RNMT: variants seen among roughly 807,000 people sequenced by gnomAD.
RNMT encodes the protein mRNA cap guanine-N(7) methyltransferase.
In RNMT, 27 loss-of-function variants were observed where a neutral mutation model predicts 56.0. The observed-to-expected ratio is 0.48, with a 90% CI of 0.36 to 0.67. The LOEUF (loss-of-function observed/expected upper bound fraction) is 0.67. Among genes scored for constraint, RNMT ranks in the 30% least tolerant of loss-of-function variants. RNMT has a pLI of 0.00. For synonymous variants in RNMT, 184 were observed against 176.2 expected, an observed-to-expected ratio of 1.04 and a Z score of -0.35; for missense variants, 519 against 552.1, an observed-to-expected ratio of 0.94 and a Z score of 0.60.
chr18:13,746,153 T>C (rs2044348549), intron 8 of RNMT, 67 bp from the exon 9 acceptor site: 4 of 816,498 alleles, frequency 4.9e-6, no homozygotes, highest in Non-Finnish European at 8.0e-6. Flanking sequence ...GTCATTGCTG[T>C]ACAAAAGTAA....
intron 11 of RNMT, among the ~76,000 whole-genome samples, chr18:13,756,568 T>G (rs150337217): frequency 1.3e-5 from 2 of 152,328 alleles, no homozygotes; most frequent in South Asian, 2.1e-4. Context: ...TCTCCTTACC[T>G]TCTGGCAAGA....
At chr18:13,747,362 G>A (rs112377105) in intron 9 of RNMT, among the ~76,000 whole-genome samples, 1,562 of 152,050 alleles carry the variant, frequency 0.01, 53 homozygotes, top group East Asian at 0.097. Context: ...GACTACAAGC[G>A]TGTGTCACCA....
chr18:13,743,443 C>T (rs1035150832), intron 8 of RNMT, among the ~76,000 whole-genome samples: 1 of 151,882 alleles, frequency 6.6e-6, no homozygotes, highest in South Asian at 2.1e-4. Context: ...TTGAAATTGC[C>T]TATGTCTCAC....
chr18:13,744,289 A>G (rs1281316321), intron 8 of RNMT, among the ~76,000 whole-genome samples: 1 of 151,640 alleles, frequency 6.6e-6, no homozygotes, highest in Non-Finnish European at 1.5e-5. Flanking sequence ...GAATCTGAAA[A>G]TGTGTGGGGG....
At chr18:13,740,445 A>G (rs2044234176) in intron 6 of RNMT, among the ~76,000 whole-genome samples, 166 bp downstream of exon 6, 1 of 152,172 alleles carries the variant, frequency 6.6e-6, no homozygotes, top group African/African-American at 2.4e-5. Context: ...GCACGATCTC[A>G]GCTTACTGCA....
chr18:13,762,649 G>T lies in RNMT; in HGVS notation c.*2670G>T. ...ACTTGGAAATTGAGGGAGCATGACC[G>T]CTCTCTGACTTCACATGTTAATAGA... is the stretch of plus-strand genomic sequence containing the variant. On this transcript the variant is annotated 3_prime_UTR_variant, in exon 12 of 12. Coordinates refer to ENST00000383314, the MANE Select transcript of RNMT (RefSeq NM_003799.3). 5.1e-6 allele frequency: 1 copy of T among 195,466 alleles called. No individual in the cohort carries two copies. The highest frequency in any genetic ancestry group is 1.1e-5 in the Non-Finnish European group (1 of 94,242). 12.1% of individuals were successfully genotyped at this position (195,466 alleles called of 1,614,324 possible).
chr18:13,752,234 C>T, intron 9 of RNMT, 92 bp from the exon 10 acceptor site: 2 of 727,072 alleles, frequency 2.8e-6, no homozygotes, highest in South Asian at 3.5e-5. Flanking sequence ...ACGGATTATT[C>T]TCCTAATTAT....
At chr18:13,743,993 C>T (rs1295327681) in intron 8 of RNMT, among the ~76,000 whole-genome samples, 1 of 151,880 alleles carries the variant, frequency 6.6e-6, no homozygotes, top group African/African-American at 2.4e-5. Flanking sequence ...GGAAATGTTA[C>T]TGCTCTTCAA....
chr18:13,736,908 T>C, intron 4 of RNMT, 102 bp from the exon 5 acceptor site: 2 of 987,628 alleles, frequency 2.0e-6, no homozygotes, highest in Non-Finnish European at 3.0e-6. Context: ...ATAGTTTATG[T>C]TACATATTGG....
chr18:13,762,302 T>G lies in RNMT; in HGVS notation c.*2323T>G. 1.0e-6 allele frequency: 1 copy of G among 987,838 alleles called. No individual in the cohort carries two copies. Among genetic ancestry groups the G allele is most frequent in the South Asian group, 1.7e-5 (1 of 58,574 alleles). 61.2% of individuals were successfully genotyped at this position (987,838 alleles called of 1,614,324 possible). On this transcript the variant is annotated 3_prime_UTR_variant, in exon 12 of 12. Coordinates refer to ENST00000383314, the MANE Select transcript of RNMT (RefSeq NM_003799.3). ...TGAATTCTTTGGGCCTAGAATATAC[T>G]TGAGAAAGCACTAGTGGCTTGTGTT...
intron 3 of RNMT, 71 bp downstream of exon 3, chr18:13,732,005 C>A: frequency 8.0e-7 from 1 of 1,249,522 alleles, no homozygotes; most frequent in Non-Finnish European, 1.1e-6. Flanking sequence ...CCCGTGGATT[C>A]ATACTGGTTT....
chr18:13,739,381 T>C (rs1378417826), intron 5 of RNMT, among the ~76,000 whole-genome samples: 2 of 152,258 alleles, frequency 1.3e-5, no homozygotes, highest in Non-Finnish European at 2.9e-5. Context: ...GCATATTGTA[T>C]AGTGGTGAAG....
intron 8 of RNMT, among the ~76,000 whole-genome samples, chr18:13,744,159 C>CTTTTTTTTTTT (rs201093998): frequency 0.019 from 1,689 of 91,082 alleles, 293 homozygotes; most frequent in Non-Finnish European, 0.026. Flanking sequence ...TAGCGGTCTT[C>CTTTTTTTTTTT]TTTTTTTTTT....
At chr18:13,739,890 T>C (rs1160355355) in intron 5 of RNMT, among the ~76,000 whole-genome samples, 2 of 152,220 alleles carry the variant, frequency 1.3e-5, no homozygotes, top group East Asian at 3.8e-4. Flanking sequence ...ATAATTCAGA[T>C]TGGAATAAAA....
chr18:13,727,275 C>G (rs1435770779), intron 1 of RNMT, among the ~76,000 whole-genome samples: 1 of 152,214 alleles, frequency 6.6e-6, no homozygotes, highest in African/African-American at 2.4e-5. Flanking sequence ...GACGCAGAGA[C>G]ATAGCTTGCT....
At position 13,760,462 on chromosome 18, in the gene RNMT, C is replaced by A. The variant is rs956660192; in HGVS notation, c.*483C>A. ...GAATGTAAGTGTTCAATATGTATTGCTGAAGTTATAAGTTTAAAACTCAAT... is the reference window on the plus strand; with the variant it reads ...GAATGTAAGTGTTCAATATGTATTGATGAAGTTATAAGTTTAAAACTCAAT... On this transcript the variant is annotated 3_prime_UTR_variant, in exon 12 of 12. Coordinates refer to ENST00000383314, the MANE Select transcript of RNMT (RefSeq NM_003799.3). 17 of 985,558 alleles carry A rather than the reference C, an allele frequency of 1.7e-5. No homozygotes were observed. The highest frequency in any genetic ancestry group is 6.1e-5 in the Admixed American group (1 of 16,272). The allele number at this position is 985,558 out of a possible 1,614,324, so 61.1% of individuals were successfully genotyped here.
chr18:13,755,480 GA>G (rs2044527719), intron 11 of RNMT, among the ~76,000 whole-genome samples: 1 of 152,234 alleles, frequency 6.6e-6, no homozygotes, highest in Admixed American at 6.5e-5. Context: ...TAAGATCACA[GA>G]GCTAACCTGT....
chr18:13,747,837 G>C (rs2044377918), intron 9 of RNMT, among the ~76,000 whole-genome samples: 1 of 152,032 alleles, frequency 6.6e-6, no homozygotes, highest in South Asian at 2.1e-4. Context: ...TCTTAAGGAA[G>C]AGGAGAAAAC....
In RNMT at chr18:13,743,648, A is replaced by G. The variant is rs909938292; in HGVS notation, c.1139+996A>G. Among the ~76,000 whole-genome samples, 3 of 152,048 alleles carry G rather than the reference A, an allele frequency of 2.0e-5. No individual in the cohort carries two copies. In the South Asian group the frequency reaches 6.2e-4, roughly 32 times the overall value. On this transcript the variant is annotated intron_variant, in intron 8 of 11. Transcript: ENST00000383314. Reference sequence around the variant, plus strand: ...GGGGAGAGTATAAAAGTCAGCTTAAATGTAGGCCATGTCATGATTGATTGA... The same window carrying G: ...GGGGAGAGTATAAAAGTCAGCTTAAGTGTAGGCCATGTCATGATTGATTGA...
Sources: allele counts gnomAD v4.1 joint callset (sites outside exome capture counted in the v4.1 genomes callset), GRCh38; gene constraint gnomAD v4.1.1; transcripts MANE v1.5; gene names NCBI Gene and HGNC (gene_info 2026-07-23, HGNC 2026-07-21).